Variants in SLC4A4 observed in about 807,000 individuals in gnomAD.
The protein encoded by SLC4A4 is solute carrier family 4 member 4.
In SLC4A4, 27 loss-of-function variants were observed where a neutral mutation model predicts 111.5. That is an observed-to-expected ratio of 0.24 (90% CI 0.18 to 0.33). The LOEUF (loss-of-function observed/expected upper bound fraction) is 0.33, where lower values mean the gene tolerates loss of function less well. SLC4A4 is among the 10% of genes least tolerant of loss of function. The pLI, the probability that SLC4A4 is intolerant of heterozygous loss-of-function variation, is 1.00. For missense variants in SLC4A4, 909 were observed against 1,315.5 expected (o/e 0.69, Z 4.78); for synonymous variants, 443 against 463.4 (o/e 0.96, Z 0.57).
chr4:71,519,098 C>A (rs1289618430), intron 16 of SLC4A4, among the ~76,000 whole-genome samples: 2 of 152,192 alleles, frequency 1.3e-5, no homozygotes, highest in African/African-American at 4.8e-5. Context: ...CTATGTTAAT[C>A]TGTTCCCTTA....
At chr4:71,402,882 A>G (rs1040857845) in intron 7 of SLC4A4, among the ~76,000 whole-genome samples, 9 of 152,310 alleles carry the variant, frequency 5.9e-5, no homozygotes, top group South Asian at 4.1e-4. Context: ...TTCCCTGTCT[A>G]CAAGAAATTT....
chr4:71,206,761 T>A (rs1717791515), intron 1 of SLC4A4, among the ~76,000 whole-genome samples: 1 of 151,932 alleles, frequency 6.6e-6, no homozygotes, highest in African/African-American at 2.4e-5. Context: ...AAACCAGTAG[T>A]TGGAACCATT....
intron 13 of SLC4A4, among the ~76,000 whole-genome samples, chr4:71,467,955 A>C (rs769468144): frequency 1.3e-5 from 2 of 152,076 alleles, no homozygotes; most frequent in Non-Finnish European, 2.9e-5. Flanking sequence ...ATAGTACATC[A>C]TGGACTTATG....
At chr4:71,232,593 T>C (rs560836463) in intron 1 of SLC4A4, among the ~76,000 whole-genome samples, 1 of 152,034 alleles carries the variant, frequency 6.6e-6, no homozygotes, top group East Asian at 1.9e-4. Context: ...GAAAAAAAAA[T>C]TTCAGAGATG....
intron 1 of SLC4A4, among the ~76,000 whole-genome samples, chr4:71,190,146 A>G (rs1188920770): frequency 6.6e-6 from 1 of 152,152 alleles, no homozygotes; most frequent in East Asian, 1.9e-4. Flanking sequence ...ATAATGTAGG[A>G]ATCTTAGAGG....
At chr4:71,234,687 G>A (rs1004036938) in intron 1 of SLC4A4, among the ~76,000 whole-genome samples, 4 of 152,156 alleles carry the variant, frequency 2.6e-5, no homozygotes, top group Non-Finnish European at 5.9e-5. Flanking sequence ...GGCCTGCCGA[G>A]GGATTACAGG....
intron 3 of SLC4A4, among the ~76,000 whole-genome samples, chr4:71,260,204 G>A (rs1721753508): frequency 6.6e-6 from 1 of 152,162 alleles, no homozygotes; most frequent in African/African-American, 2.4e-5. Context: ...GTGCTTCCGG[G>A]TAAATGAACA....
At chr4:71,249,996 G>A (rs1380644849) in intron 2 of SLC4A4, among the ~76,000 whole-genome samples, 1 of 152,074 alleles carries the variant, frequency 6.6e-6, no homozygotes, top group African/African-American at 2.4e-5. Flanking sequence ...GCCTGGACTT[G>A]ATACTGTAGT....
chr4:71,427,757 T>G (rs1297396794), intron 7 of SLC4A4, among the ~76,000 whole-genome samples: 1 of 152,156 alleles, frequency 6.6e-6, no homozygotes, highest in Non-Finnish European at 1.5e-5. Flanking sequence ...GGAATTAAGC[T>G]GATTGGAAGC....
chr4:71,214,733 A>G lies in SLC4A4; in HGVS notation c.-1-21843A>G, dbSNP rs535559249. Among the ~76,000 whole-genome samples, 33 of 152,340 alleles carry G rather than the reference A, an allele frequency of 2.2e-4. 1 individual carries two copies. Among genetic ancestry groups the G allele is most frequent in the African/African-American group, 6.3e-4 (26 of 41,570 alleles). Reference sequence around the variant, plus strand: ...GTCACAGAGTGCTCAGTAAATAATAATATTTGCATGGTACACTGGGTAAAC... The same window carrying G: ...GTCACAGAGTGCTCAGTAAATAATAGTATTTGCATGGTACACTGGGTAAAC... On this transcript the variant is annotated intron_variant, in intron 1 of 25. Transcript: ENST00000264485.
rs566177329 is a variant in SLC4A4 at position 71,462,108 on chromosome 4, T to G, written c.1498-4336T>G. On this transcript the variant is annotated intron_variant, in intron 12 of 25. Coordinates refer to ENST00000264485, the MANE Select transcript of SLC4A4 (RefSeq NM_001098484.3). ...CGTCTCTTAAAGGAAAGAGAAATAA[T>G]AGAGAGAGGCTGAAAAGAAGGTGGT... is the stretch of plus-strand genomic sequence containing the variant. 1.1e-4 allele frequency among the ~76,000 whole-genome samples: 16 copies of G among 152,278 alleles called. No homozygotes were observed. The South Asian group carries it at 3.1e-3, about 30-fold the overall frequency.
intron 3 of SLC4A4, among the ~76,000 whole-genome samples, chr4:71,262,929 T>C (rs1258867008): frequency 2.0e-5 from 3 of 152,086 alleles, no homozygotes; most frequent in Admixed American, 2.0e-4. Flanking sequence ...TAGTTACATA[T>C]GTATACATTT....
intron 1 of SLC4A4, among the ~76,000 whole-genome samples, chr4:71,190,578 T>C (rs1042758827): frequency 1.3e-5 from 2 of 152,156 alleles, no homozygotes; most frequent in African/African-American, 2.4e-5. Flanking sequence ...GAAAATACAA[T>C]GAGAGCCAGG....
chr4:71,414,098 G>A (rs1384272565), intron 7 of SLC4A4, among the ~76,000 whole-genome samples: 2 of 152,218 alleles, frequency 1.3e-5, no homozygotes, highest in Non-Finnish European at 2.9e-5. Flanking sequence ...TGATGAAACT[G>A]TGGATGCTTT....
At chr4:71,396,979 C>T (rs909526618) in intron 6 of SLC4A4, among the ~76,000 whole-genome samples, 5 of 152,210 alleles carry the variant, frequency 3.3e-5, no homozygotes, top group Non-Finnish European at 5.9e-5. Context: ...TGTGATAACA[C>T]TACATTGAGG....
At chr4:71,508,315 T>C (rs1035436163) in intron 16 of SLC4A4, among the ~76,000 whole-genome samples, 1 of 151,812 alleles carries the variant, frequency 6.6e-6, no homozygotes, top group Non-Finnish European at 1.5e-5. Flanking sequence ...TTTGAAAAAA[T>C]TAATAAAATA....
intron 3 of SLC4A4, among the ~76,000 whole-genome samples, chr4:71,334,136 G>A (rs1728237888): frequency 6.6e-6 from 1 of 152,242 alleles, no homozygotes; most frequent in East Asian, 1.9e-4. Context: ...CCTGAAGCCA[G>A]CATAGCTCTG....
intron 1 of SLC4A4, among the ~76,000 whole-genome samples, chr4:71,207,875 C>T (rs943240878): frequency 6.6e-6 from 1 of 152,140 alleles, no homozygotes; most frequent in Non-Finnish European, 1.5e-5. Flanking sequence ...TGCAGTAGTG[C>T]AATCATAGCT....
intron 2 of SLC4A4, among the ~76,000 whole-genome samples, chr4:71,153,625 C>T (rs1744375460): frequency 6.6e-6 from 1 of 152,024 alleles, no homozygotes; most frequent in Non-Finnish European, 1.5e-5. Flanking sequence ...CATGTAAAGC[C>T]TTCAGCACTT....
Sources: allele counts gnomAD v4.1 joint callset (sites outside exome capture counted in the v4.1 genomes callset), GRCh38; gene constraint gnomAD v4.1.1; transcripts MANE v1.5; gene names NCBI Gene and HGNC (gene_info 2026-07-23, HGNC 2026-07-21).